Variants in MYCBPAP observed in about 807,000 individuals in gnomAD.
MYCBPAP encodes MYCBP associated protein.
In MYCBPAP, 60 loss-of-function variants were observed where a neutral mutation model predicts 106.1. The observed-to-expected ratio is 0.57, with a 90% CI of 0.46 to 0.70. The LOEUF is 0.70. Ranked by LOEUF, MYCBPAP falls within the 30% of genes least tolerant of loss-of-function variation. The probability of loss-of-function intolerance (pLI) is 0.00; values close to 1 mark genes in which losing one functional copy is unlikely to be tolerated. For synonymous variants in MYCBPAP, 407 were observed against 440.6 expected, an observed-to-expected ratio of 0.92 and a Z score of 0.95; for missense variants, 1,064 against 1,169.3, an observed-to-expected ratio of 0.91 and a Z score of 1.31.
chr17:50,525,226 G>T (rs1282694671), intron 13 of MYCBPAP: 1 of 570,332 alleles, frequency 1.8e-6, no homozygotes, highest in Non-Finnish European at 3.0e-6. Flanking sequence ...GATGGAAATT[G>T]TACACTCCTT....
At chr17:50,519,351 G>A (rs2034173471) in intron 6 of MYCBPAP, 1 of 584,356 alleles carries the variant, frequency 1.7e-6, no homozygotes, top group Admixed American at 3.0e-5. Context: ...CTTAGACTGA[G>A]TGGAGCCTAC....
chr17:50,514,533 G>A (rs2033972088), intron 1 of MYCBPAP, among the ~76,000 whole-genome samples: 1 of 152,210 alleles, frequency 6.6e-6, no homozygotes, highest in Non-Finnish European at 1.5e-5. Flanking sequence ...GTGAAAGGAA[G>A]GCAGGGAGTG....
upstream of MYCBPAP, among the ~76,000 whole-genome samples, chr17:50,508,026 G>A (rs577814619): frequency 6.6e-6 from 1 of 152,316 alleles, no homozygotes; most frequent in South Asian, 2.1e-4. Context: ...TGGCTGCAGC[G>A]AGCGTGGACC....
In MYCBPAP at chr17:50,523,094, CA is replaced by C; in HGVS notation, c.1414del (p.Arg472GlyfsTer13). 1.2e-6 allele frequency: 2 copies of C among 1,614,032 alleles called. No individual in the cohort carries two copies. The highest frequency in any genetic ancestry group is 1.7e-6 in the Non-Finnish European group (2 of 1,179,926). Reference sequence around the variant, plus strand: ...ACACTTTCCAAGACCTTAAGAAAAACAGGATGCAGCGATTTTACTTTGACAA... The same window carrying C: ...ACACTTTCCAAGACCTTAAGAAAAACGGATGCAGCGATTTTACTTTGACAA... ...PDTFQDLKKN[R>X]MQRFYFDNRE... On this transcript the variant is annotated frameshift_variant, in exon 11 of 19. Coordinates refer to ENST00000323776, the MANE Select transcript of MYCBPAP (RefSeq NM_032133.6). LOFTEE classifies it high-confidence loss of function.
At chr17:50,508,367 G>A (rs2033689294), upstream of MYCBPAP, 2 of 524,950 alleles carry the variant, frequency 3.8e-6, no homozygotes, top group African/African-American at 2.0e-5. Flanking sequence ...CGGGTCCCCC[G>A]CCCCGCCCCG....
rs144871520 is a variant in MYCBPAP, at chr17:50,527,327, C to T, written c.2210C>T (p.Ala737Val). Reference sequence around the variant, plus strand: ...CCTGATGAGAACCACAGAGAGGATGCGTTGATGAGGCTCAACAAAGCAGCC... The same window carrying T: ...CCTGATGAGAACCACAGAGAGGATGTGTTGATGAGGCTCAACAAAGCAGCC... ...VLPDENHRED[A>V]LMRLNKAALE... Residue 737 changes from alanine (A) to valine (V), a missense_variant, in exon 15 of 19, where the codon GCG (alanine) becomes GTG (valine). Coordinates refer to ENST00000323776, the MANE Select transcript of MYCBPAP (RefSeq NM_032133.6). 569 of 1,614,068 alleles carry T rather than the reference C, an allele frequency of 3.5e-4. 4 individuals are homozygous for T. The African/African-American group carries it at 6.8e-3, about 19-fold the overall frequency.
intron 14 of MYCBPAP, among the ~76,000 whole-genome samples, chr17:50,526,675 C>T (rs1207964254): frequency 3.3e-5 from 5 of 152,160 alleles, no homozygotes; most frequent in African/African-American, 4.8e-5. Flanking sequence ...CTCTGCCTCC[C>T]GGGTTCAAGT....
chr17:50,508,916 G>C (rs780254664), intron 1 of MYCBPAP, 166 bp downstream of exon 1: 8 of 741,634 alleles, frequency 1.1e-5, no homozygotes, highest in Non-Finnish European at 1.9e-5. Context: ...TGGGGGGCAA[G>C]GCAGGAAGAG....
chr17:50,513,909 A>G (rs2033948758), intron 1 of MYCBPAP, among the ~76,000 whole-genome samples: 1 of 152,144 alleles, frequency 6.6e-6, no homozygotes, highest in Non-Finnish European at 1.5e-5. Context: ...TGAGACTGGA[A>G]CTCGGGGTTC....
chr17:50,511,173 C>T (rs916676489), intron 1 of MYCBPAP, among the ~76,000 whole-genome samples: 1 of 152,048 alleles, frequency 6.6e-6, no homozygotes, highest in African/African-American at 2.4e-5. Context: ...CAGCTAATGA[C>T]CCAGTGTCAT....
chr17:50,528,910 T>C, intron 17 of MYCBPAP, 70 bp downstream of exon 17: 2 of 1,599,888 alleles, frequency 1.3e-6, no homozygotes. Flanking sequence ...AGGTGGGGGC[T>C]GTGGAGGTGG....
intron 1 of MYCBPAP, among the ~76,000 whole-genome samples, chr17:50,511,152 C>T (rs2033834395): frequency 6.6e-6 from 1 of 152,048 alleles, no homozygotes; most frequent in Non-Finnish European, 1.5e-5. Flanking sequence ...TCCCCCAGCC[C>T]CCATACAAGG....
rs759905243 is a variant in MYCBPAP at position 50,518,738 on chromosome 17, A to G, written c.652+14A>G. ...AAGCCCTCAGCGGTGAGCAGAGCAG[A>G]CAGGGCTCCCGCCCGGCCTCCATCT... On this transcript the variant is annotated intron_variant, in intron 5 of 18. Coordinates refer to ENST00000323776, the MANE Select transcript of MYCBPAP (RefSeq NM_032133.6). 1 of 1,560,894 alleles carries G rather than the reference A, an allele frequency of 6.4e-7. No individual in the cohort carries two copies. The highest frequency in any genetic ancestry group is 1.2e-5 in the South Asian group (1 of 82,452).
chr17:50,524,797 C>A, intron 12 of MYCBPAP, 80 bp from the exon 13 acceptor site: 1 of 1,512,596 alleles, frequency 6.6e-7, no homozygotes, highest in Non-Finnish European at 9.0e-7. Flanking sequence ...GGCACAAAGT[C>A]CTGGGGGCTC....
At chr17:50,528,600 T>G in intron 16 of MYCBPAP, 95 bp from the exon 17 acceptor site, 2 of 1,505,676 alleles carry the variant, frequency 1.3e-6, no homozygotes, top group Non-Finnish European at 1.8e-6. Flanking sequence ...TATTGCCCTT[T>G]GCTTTTCCAC....
chr17:50,522,459 CT>C, intron 10 of MYCBPAP: 2 of 172,142 alleles, frequency 1.2e-5, no homozygotes, highest in Admixed American at 5.5e-5. Context: ...CTTTGGGAGG[CT>C]GACGTGGGTG....
chr17:50,529,652 G>C (rs552359928), intron 18 of MYCBPAP: 18 of 427,450 alleles, frequency 4.2e-5, no homozygotes, highest in South Asian at 2.9e-4. Flanking sequence ...GTTTTGAATA[G>C]AAACGCAATA....
chr17:50,510,469 A>ATGTG, intron 1 of MYCBPAP: 2 of 83,352 alleles, frequency 2.4e-5, no homozygotes, highest in African/African-American at 1.7e-4. Context: ...GTATATGTGT[A>ATGTG]TATATGTGTG....
rs1555621890 is a variant in MYCBPAP, at chr17:50,526,414, C to CTGTTTATT, written c.2169+148_2169+149insGTTTATTT. ...GTGATCTCTTGGGTTATCTATCTAT[C>CTGTTTATT]TATTTATTTATTTATTTATTTATTT... On this transcript the variant is annotated intron_variant, in intron 14 of 18. Coordinates refer to ENST00000323776, the MANE Select transcript of MYCBPAP (RefSeq NM_032133.6). The CTGTTTATT allele has an allele frequency of 2.1e-4, 79 of 369,736 alleles. 1 individual carries two copies. Among genetic ancestry groups the CTGTTTATT allele is most frequent in the Non-Finnish European group, 2.3e-4 (52 of 228,006 alleles). 22.9% of individuals were successfully genotyped at this position (369,736 alleles called of 1,614,324 possible). A position where few individuals can be genotyped will look rare whatever the true frequency, so the allele number is the denominator to read the frequency against.
Sources: gnomAD v4.1 joint callset for allele counts (sites outside exome capture counted in the v4.1 genomes callset) on GRCh38, gnomAD v4.1.1 for gene constraint, MANE v1.5 for transcripts, NCBI Gene and HGNC (gene_info 2026-07-23, HGNC 2026-07-21) for gene names.